Variants in DHRS7 observed in about 807,000 individuals in gnomAD.
DHRS7 encodes the protein dehydrogenase/reductase SDR family member 7.
In DHRS7, 34 loss-of-function variants were observed where a neutral mutation model predicts 38.9. The observed-to-expected ratio is 0.87, with a 90% confidence interval of 0.66 to 1.16. The LOEUF (loss-of-function observed/expected upper bound fraction) is 1.16, where lower values mean the gene tolerates loss of function less well. DHRS7 is among the 50% of genes most tolerant of loss of function. DHRS7 has a pLI of 0.00. For synonymous variants in DHRS7, 158 were observed against 153.1 expected, an observed-to-expected ratio of 1.03 and a Z score of -0.24; for missense variants, 421 against 407.0, an observed-to-expected ratio of 1.03 and a Z score of -0.30.
intron 1 of DHRS7, among the ~76,000 whole-genome samples, chr14:60,164,778 T>C (rs933332496): frequency 1.3e-5 from 2 of 152,160 alleles, no homozygotes; most frequent in African/African-American, 2.4e-5. Flanking sequence ...ACAAAGGAGT[T>C]TCCCTTACAA....
chr14:60,165,519 C>G, upstream of DHRS7: 1 of 1,284,512 alleles, frequency 7.8e-7, no homozygotes, highest in Non-Finnish European at 9.8e-7. This position sits in a 1 kb window ranked among gnomAD's most constrained non-coding sequence, Gnocchi z 4.6. Context: ...CGGCCCGCGC[C>G]CTCATGCGGC....
Position 60,152,989 on chromosome 14 carries a change from T to A in DHRS7, c.583A>T (p.Ile195Leu). ...TATCCAATGGAAAGAGGTACAGATA[T>A]GATACCCAGGATGCTATTCACAGTA... Reference protein sequence around the residue: ...IVTVNSILGIISVPLSIGYCA... With the variant: ...IVTVNSILGILSVPLSIGYCA... The change falls in exon 4 of 7, where the codon ATA (isoleucine) becomes TTA (leucine). Residue 195 changes from isoleucine (I) to leucine (L), a missense_variant. Transcript: ENST00000557185. 1 of 1,614,172 alleles carries A rather than the reference T, an allele frequency of 6.2e-7. No individual in the cohort carries two copies. Among genetic ancestry groups the A allele is most frequent in the Non-Finnish European group, 8.5e-7 (1 of 1,179,986 alleles).
upstream of DHRS7, chr14:60,165,408 A>G (rs557606472): frequency 5.9e-5 from 87 of 1,467,002 alleles, no homozygotes; most frequent in Admixed American, 1.8e-3. This position sits in a 1 kb window ranked among gnomAD's most constrained non-coding sequence, Gnocchi z 4.6. Flanking sequence ...CGGCCAGCCC[A>G]GAGCCGCACT....
rs1896465868 is a variant in DHRS7 at position 60,148,702 on chromosome 14, G to A, written c.972+651C>T. Among the ~76,000 whole-genome samples, 1 of 152,086 alleles carries A rather than the reference G, an allele frequency of 6.6e-6. No individual in the cohort carries two copies. Among genetic ancestry groups the A allele is most frequent in the African/African-American group, 2.4e-5 (1 of 41,404 alleles). On this transcript the variant is annotated intron_variant, in intron 6 of 6. Transcript: ENST00000557185. The surrounding 1 kb of genome is among the most constrained non-coding windows in gnomAD (Gnocchi z 4.8). The stretch of plus-strand genomic sequence containing the variant: ...GGGGAGAAGTGGGAGGGAAGGCCAG[G>A]TACCATTCCAAGGAGGTGACATGGG...
At chr14:60,154,664 A>T (rs1407685787) in intron 2 of DHRS7, among the ~76,000 whole-genome samples, 1 of 152,228 alleles carries the variant, frequency 6.6e-6, no homozygotes, top group African/African-American at 2.4e-5. Flanking sequence ...TACAAGTAAC[A>T]TCAGTAAGAA....
intron 2 of DHRS7, among the ~76,000 whole-genome samples, chr14:60,155,334 A>C (rs1178454456): frequency 2.0e-5 from 3 of 152,136 alleles, no homozygotes; most frequent in Admixed American, 6.6e-5. Context: ...CTGTGGCCCC[A>C]GCTACTCAGG....
chr14:60,154,204 G>A, intron 2 of DHRS7, 139 bp from the exon 3 acceptor site: 1 of 640,520 alleles, frequency 1.6e-6, no homozygotes, highest in Non-Finnish European at 2.7e-6. Context: ...TCCTCTCGGT[G>A]GTCAGGAAGA....
rs1388521350 is a variant in DHRS7, at chr14:60,146,632, C to T, written c.973-1619G>A. On this transcript the variant is annotated intron_variant, in intron 6 of 6. Transcript: ENST00000557185. The surrounding 1 kb of genome is among the most constrained non-coding windows in gnomAD (Gnocchi z 4.9). ...ATAATAGCCAAGATATGGAAACAACCTAAGTGTCCATTAGTGAATGAATGG... is the reference window on the plus strand; with the variant it reads ...ATAATAGCCAAGATATGGAAACAACTTAAGTGTCCATTAGTGAATGAATGG... The T allele has an allele frequency of 6.6e-6, 1 of 151,944 alleles. No individual in the cohort carries two copies. Among genetic ancestry groups the T allele is most frequent in the Non-Finnish European group, 1.5e-5 (1 of 68,016 alleles). 9.4% of individuals were successfully genotyped at this position (151,944 alleles called of 1,614,324 possible). A position where few individuals can be genotyped will look rare whatever the true frequency, so the allele number is the denominator to read the frequency against.
At chr14:60,159,976 A>T (rs1293913087) in intron 1 of DHRS7, among the ~76,000 whole-genome samples, 1 of 152,252 alleles carries the variant, frequency 6.6e-6, no homozygotes, top group African/African-American at 2.4e-5. Context: ...TATAAAAATG[A>T]AGATTTTTCA....
At chr14:60,168,605 A>G, upstream of DHRS7, 1 of 1,449,504 alleles carries the variant, frequency 6.9e-7, no homozygotes, top group Non-Finnish European at 9.2e-7. Flanking sequence ...ATTAGGTTAA[A>G]TTTCTTAAAA....
At chr14:60,159,978 G>A (rs1390335663) in intron 1 of DHRS7, among the ~76,000 whole-genome samples, 1 of 152,188 alleles carries the variant, frequency 6.6e-6, no homozygotes, top group East Asian at 1.9e-4. Context: ...TAAAAATGAA[G>A]ATTTTTCATT....
intron 1 of DHRS7, among the ~76,000 whole-genome samples, chr14:60,164,263 G>C (rs1401096545): frequency 1.8e-5 from 2 of 112,996 alleles, no homozygotes; most frequent in African/African-American, 3.4e-5. Flanking sequence ...AACCCATAAC[G>C]CCCCCCCCAA....
chr14:60,153,032 C>CCTCT lies in DHRS7; in HGVS notation c.536_539dup (p.Lys181GlufsTer11). 6.2e-7 allele frequency: 1 copy of CCTCT among 1,614,192 alleles called. No individual in the cohort carries two copies. Among genetic ancestry groups the CCTCT allele is most frequent in the Non-Finnish European group, 8.5e-7 (1 of 1,180,034 alleles). The stretch of plus-strand genomic sequence containing the variant: ...TCACAGTAACAATCTTTCCTTGCTT[C>CCTCT]CTCTCGATCATGTGAGGCAGAACAC... On this transcript the variant is annotated frameshift_variant, in exon 4 of 7. Transcript: ENST00000557185. LOFTEE classifies it high-confidence loss of function. This position sits in a 1 kb window ranked among gnomAD's most constrained non-coding sequence, Gnocchi z 4.4.
upstream of DHRS7, chr14:60,168,882 A>G (rs187174992): frequency 1.0e-4 from 119 of 1,134,502 alleles, no homozygotes; most frequent in East Asian, 3.4e-3. Flanking sequence ...ATATTAGAAC[A>G]CTTAGGCATT....
upstream of DHRS7, chr14:60,168,846 A>T: frequency 7.1e-7 from 1 of 1,406,662 alleles, no homozygotes; most frequent in Non-Finnish European, 9.6e-7. Context: ...CATAAACCAA[A>T]GCATAAGGTC....
intron 4 of DHRS7, among the ~76,000 whole-genome samples, chr14:60,151,244 A>T (rs1896538255): frequency 1.3e-5 from 2 of 152,210 alleles, no homozygotes; most frequent in Non-Finnish European, 2.9e-5. Context: ...ACTTGTGTAA[A>T]ACAGACTAGA....
Position 60,165,035 on chromosome 14 carries a change from G to A in DHRS7, c.133+142C>T. The A allele has an allele frequency of 2.8e-6, 3 of 1,077,248 alleles. No homozygotes were observed. The highest frequency in any genetic ancestry group is 2.7e-6 in the Non-Finnish European group (2 of 749,528). The allele number at this position is 1,077,248 out of a possible 1,614,324, so 66.7% of individuals were successfully genotyped here. A position where few individuals can be genotyped will look rare whatever the true frequency, so the allele number is the denominator to read the frequency against. On this transcript the variant is annotated intron_variant, in intron 1 of 6. Transcript: ENST00000557185. The surrounding 1 kb of genome is among the most constrained non-coding windows in gnomAD (Gnocchi z 4.6). ...TTCCTCCCCAACCCGCAGCCCCTGC[G>A]TAAGGGGCAGCCGGGCCTTCGGGAA...
upstream of DHRS7, among the ~76,000 whole-genome samples, chr14:60,167,867 C>T (rs3759692): frequency 2.0e-5 from 3 of 152,002 alleles, no homozygotes; most frequent in African/African-American, 4.8e-5. Flanking sequence ...AGAGTGCTAA[C>T]GATCTGGGCA....
At chr14:60,158,322 G>A (rs934246551) in intron 1 of DHRS7, among the ~76,000 whole-genome samples, 3 of 150,404 alleles carry the variant, frequency 2.0e-5, no homozygotes, top group Admixed American at 6.6e-5. Context: ...GTCATATAAC[G>A]TACTTTTGTG....
Sources: gnomAD v4.1 joint callset for allele counts (sites outside exome capture counted in the v4.1 genomes callset) on GRCh38, gnomAD v4.1.1 for gene constraint, Gnocchi (gnomAD v3.1) non-coding constraint, MANE v1.5 for transcripts, NCBI Gene and HGNC (gene_info 2026-07-23, HGNC 2026-07-21) for gene names.